Variants in EML5 observed in about 807,000 individuals in gnomAD.
EML5 encodes EMAP like 5.
EML5 carries 120 observed loss-of-function variants against 250.0 expected under a neutral mutation model. The ratio of observed to expected loss-of-function variants is 0.48; its 90% CI spans 0.41 to 0.56. The LOEUF is 0.56. EML5 is among the 20% of genes least tolerant of loss of function. The probability of loss-of-function intolerance (pLI) is 0.00; values close to 1 mark genes in which losing one functional copy is unlikely to be tolerated. For missense variants in EML5, 2,006 were observed against 2,437.6 expected (o/e 0.82, Z 3.73); for synonymous variants, 771 against 806.5 (o/e 0.96, Z 0.75).
At chr14:88,695,913 T>C (rs1019034215) in intron 15 of EML5, among the ~76,000 whole-genome samples, 4 of 152,084 alleles carry the variant, frequency 2.6e-5, no homozygotes, top group Non-Finnish European at 5.9e-5. Flanking sequence ...TGACTACTTT[T>C]AGTAAAGGTC....
At chr14:88,646,558 T>C (rs1160162363) in intron 29 of EML5, among the ~76,000 whole-genome samples, 2 of 152,286 alleles carry the variant, frequency 1.3e-5, no homozygotes, top group South Asian at 2.1e-4. Context: ...GCTTTAAATG[T>C]AACCCAAACA....
intron 14 of EML5, among the ~76,000 whole-genome samples, chr14:88,701,163 T>C (rs1195700222): frequency 6.6e-6 from 1 of 152,144 alleles, no homozygotes; most frequent in African/African-American, 2.4e-5. Flanking sequence ...CAGGGTGATT[T>C]TGCCTTCCAA....
At chr14:88,696,727 T>G in intron 15 of EML5, 120 bp downstream of exon 15, 1 of 577,488 alleles carries the variant, frequency 1.7e-6, no homozygotes, top group Non-Finnish European at 2.9e-6. Flanking sequence ...TATACACATT[T>G]GATAAAAACT....
chr14:88,689,779 T>A (rs1362087950), intron 17 of EML5, among the ~76,000 whole-genome samples: 1 of 152,116 alleles, frequency 6.6e-6, no homozygotes, highest in Non-Finnish European at 1.5e-5. Flanking sequence ...GAAATATACA[T>A]GCCAGGCACT....
intron 25 of EML5, among the ~76,000 whole-genome samples, chr14:88,660,455 T>C (rs1323328534): frequency 6.6e-6 from 1 of 151,906 alleles, no homozygotes. Flanking sequence ...TGCCAAAGAA[T>C]CTGTTGGCGA....
intron 32 of EML5, among the ~76,000 whole-genome samples, chr14:88,634,989 G>A (rs1315822233): frequency 1.3e-5 from 2 of 152,100 alleles, no homozygotes; most frequent in African/African-American, 4.8e-5. Flanking sequence ...TGATGGCAAA[G>A]CTTACTGTAT....
At chr14:88,788,112 T>C (rs897383990) in intron 1 of EML5, among the ~76,000 whole-genome samples, 2 of 152,212 alleles carry the variant, frequency 1.3e-5, no homozygotes, top group South Asian at 2.1e-4. Context: ...AAGCATTAAG[T>C]AGACTACAAG....
chr14:88,629,143 A>C lies in EML5; in HGVS notation c.4358-1324T>G, dbSNP rs150613682. Among the ~76,000 whole-genome samples, 546 of 152,184 alleles carry C rather than the reference A, an allele frequency of 3.6e-3. 2 individuals are homozygous for C. The highest frequency in any genetic ancestry group is 0.013 in the African/African-American group (524 of 41,568). ...ATTTTGCCAGTGATAAATATTATAT[A>C]AATATTTTTATATGTTTACAAAATG... On this transcript the variant is annotated intron_variant, in intron 33 of 43. Coordinates refer to ENST00000554922, the MANE Select transcript of EML5 (RefSeq NM_183387.3).
intron 33 of EML5, among the ~76,000 whole-genome samples, chr14:88,628,169 A>T (rs2090161224): frequency 6.6e-6 from 1 of 152,138 alleles, no homozygotes; most frequent in South Asian, 2.1e-4. Context: ...TTATATGGAG[A>T]ACTATACAAA....
intron 21 of EML5, among the ~76,000 whole-genome samples, chr14:88,677,049 C>A (rs1044366875): frequency 3.3e-5 from 5 of 152,158 alleles, no homozygotes; most frequent in Non-Finnish European, 7.3e-5. Flanking sequence ...GGACTACAGG[C>A]ACACACCACC....
rs1274626011 is a variant in EML5, at chr14:88,612,650, A to G, written c.*3168T>C. The G allele has an allele frequency of 6.6e-6, 1 of 152,660 alleles. No homozygotes were observed. The highest frequency in any genetic ancestry group is 1.5e-5 in the Non-Finnish European group (1 of 68,046). The allele number at this position is 152,660 out of a possible 1,614,324, so 9.5% of individuals were successfully genotyped here. A position where few individuals can be genotyped will look rare whatever the true frequency, so the allele number is the denominator to read the frequency against. ...AAAATATACTTAGTTACTACTGAAG[A>G]TAATTTTTGAAATGTAAAAATTAGA... On this transcript the variant is annotated 3_prime_UTR_variant, in exon 44 of 44. Coordinates refer to ENST00000554922, the MANE Select transcript of EML5 (RefSeq NM_183387.3).
intron 33 of EML5, among the ~76,000 whole-genome samples, chr14:88,633,503 T>C (rs1211422294): frequency 6.6e-6 from 1 of 152,178 alleles, no homozygotes; most frequent in East Asian, 1.9e-4. Flanking sequence ...TTTTGTACCC[T>C]TGTCTTGACA....
At chr14:88,628,073 C>T (rs892028182) in intron 33 of EML5, 5 of 490,828 alleles carry the variant, frequency 1.0e-5, no homozygotes, top group Non-Finnish European at 1.9e-5. Flanking sequence ...GGAAAAACAG[C>T]ATTTAGACAA....
In EML5 at chr14:88,706,374, T is replaced by C; in HGVS notation, c.1710A>G (p.Arg570=). The C allele has an allele frequency of 6.2e-7, 1 of 1,609,394 alleles. No individual in the cohort carries two copies. Among genetic ancestry groups the C allele is most frequent in the Non-Finnish European group, 8.5e-7 (1 of 1,178,002 alleles). ...TAACCCACTGATAATCATGTGACCA[T>C]CTGACATTAGTTACGTGAGCTGAAT... is the stretch of plus-strand genomic sequence containing the variant. The part of the protein sequence containing the change: ...IGHSAHVTNV[R]WSHDYQWVIS... The change falls in exon 11 of 44, where the codon AGA becomes AGG. Residue 570 remains arginine, a synonymous_variant. Coordinates refer to ENST00000554922, the MANE Select transcript of EML5 (RefSeq NM_183387.3).
chr14:88,722,206 C>T (rs142506544), intron 8 of EML5, among the ~76,000 whole-genome samples: 202 of 152,256 alleles, frequency 1.3e-3, no homozygotes, highest in African/African-American at 4.6e-3. Flanking sequence ...GATGGTGTGG[C>T]GATTCCTCAA....
At chr14:88,739,690 G>C (rs1309833318) in intron 5 of EML5, among the ~76,000 whole-genome samples, 2 of 151,956 alleles carry the variant, frequency 1.3e-5, no homozygotes, top group African/African-American at 2.4e-5. Context: ...GATGTAATAA[G>C]CAAAGACAAA....
At chr14:88,676,330 A>C (rs1476740415) in intron 21 of EML5, among the ~76,000 whole-genome samples, 1 of 152,232 alleles carries the variant, frequency 6.6e-6, no homozygotes, top group Non-Finnish European at 1.5e-5. Context: ...GCAGAAGCCA[A>C]AGGAGAAGCA....
chr14:88,739,328 T>C (rs1359118714), intron 5 of EML5, among the ~76,000 whole-genome samples: 4 of 152,168 alleles, frequency 2.6e-5, no homozygotes, highest in South Asian at 2.1e-4. Flanking sequence ...GCAAAACCCA[T>C]AGATAGGGAG....
chr14:88,778,211 G>A (rs186973469), intron 1 of EML5, among the ~76,000 whole-genome samples: 1 of 151,672 alleles, frequency 6.6e-6, no homozygotes, highest in Non-Finnish European at 1.5e-5. Flanking sequence ...AATAAGACCT[G>A]AACGAAAGAA....
Sources: gnomAD v4.1 joint callset for allele counts (sites outside exome capture counted in the v4.1 genomes callset) on GRCh38, gnomAD v4.1.1 for gene constraint, MANE v1.5 for transcripts, NCBI Gene and HGNC (gene_info 2026-07-23, HGNC 2026-07-21) for gene names.